The following DPP6 variants were observed in gnomAD, a reference collection of about 807,000 sequenced individuals.
DPP6 encodes A-type potassium channel modulatory protein DPP6.
A neutral mutation model predicts 122.6 loss-of-function variants in DPP6; 69 were observed. The observed-to-expected ratio is 0.56, with a 90% CI of 0.46 to 0.69. The LOEUF (loss-of-function observed/expected upper bound fraction) is 0.69. Among genes scored for constraint, DPP6 ranks in the 30% least tolerant of loss-of-function variants. The probability of loss-of-function intolerance (pLI) is 0.00; values close to 1 mark genes in which losing one functional copy is unlikely to be tolerated. For missense variants in DPP6, 928 were observed against 1,116.9 expected (o/e 0.83, Z 2.41); for synonymous variants, 418 against 433.1 (o/e 0.97, Z 0.43).
intron 1 of DPP6, among the ~76,000 whole-genome samples, chr7:153,894,236 A>G (rs1166986040): frequency 6.9e-6 from 1 of 144,816 alleles, no homozygotes; most frequent in Admixed American, 6.7e-5. Flanking sequence ...AGGTAAATAC[A>G]TTTAGTCCAG....
the DPP6 span, among the ~76,000 whole-genome samples, chr7:153,828,736 T>C: frequency 1.3e-5 from 2 of 152,228 alleles, no homozygotes; most frequent in East Asian, 1.9e-4. Flanking sequence ...ATTTGCATTT[T>C]ATTTCTGCCT....
rs186233086 is a variant in DPP6 at position 154,892,340 on chromosome 7, C to T, written c.2458C>T (p.Pro820Ser). 1 of 1,614,016 alleles carries T rather than the reference C, an allele frequency of 6.2e-7. No homozygotes were observed. Among genetic ancestry groups the T allele is most frequent in the East Asian group, 2.2e-5 (1 of 44,874 alleles). The change falls in exon 26 of 26, where the codon CCG (proline) becomes TCG (serine). Residue 820 changes from proline (P) to serine (S), a missense_variant. By Grantham distance (74) the Pro-to-Ser change is moderately conservative. Coordinates refer to ENST00000377770, the MANE Select transcript of DPP6 (RefSeq NM_130797.4). ...GKANYSLQIY[P>S]DESHYFTSSS... Reference sequence around the variant, plus strand: ...CTCCGTGCCTTCCTTGCAGATTTACCCGGACGAAAGCCATTACTTTACCAG... The same window carrying T: ...CTCCGTGCCTTCCTTGCAGATTTACTCGGACGAAAGCCATTACTTTACCAG...
intron 1 of DPP6, among the ~76,000 whole-genome samples, chr7:154,244,279 A>G (rs1801832287): frequency 6.6e-6 from 1 of 152,194 alleles, no homozygotes; most frequent in Non-Finnish European, 1.5e-5. Context: ...TTGACCCTAA[A>G]TTTTATATAA....
intron 1 of DPP6, among the ~76,000 whole-genome samples, chr7:153,990,774 A>G (rs1797137561): frequency 6.6e-6 from 1 of 152,190 alleles, no homozygotes; most frequent in Non-Finnish European, 1.5e-5. Flanking sequence ...TGACCTGTCC[A>G]CATTTAACAT....
chr7:154,892,570 C>A lies in DPP6; in HGVS notation c.*90C>A. On this transcript the variant is annotated 3_prime_UTR_variant, in exon 26 of 26. Coordinates refer to ENST00000377770, the MANE Select transcript of DPP6 (RefSeq NM_130797.4). ...TGCCCTCCCTCTTCCCTCGGAGGGG[C>A]GGGGCGGGGCGGGGCCGGGTGTTCC... 3.3e-5 allele frequency: 17 copies of A among 512,790 alleles called. No homozygotes were observed. The highest frequency in any genetic ancestry group is 5.3e-5 in the Non-Finnish European group (14 of 266,252). 31.8% of individuals were successfully genotyped at this position (512,790 alleles called of 1,614,324 possible). A position where few individuals can be genotyped will look rare whatever the true frequency, so the allele number is the denominator to read the frequency against.
rs541321774 is a variant in DPP6 at position 154,736,848 on chromosome 7, T to C, written c.883+8961T>C. On this transcript the variant is annotated intron_variant, in intron 8 of 25. Coordinates refer to ENST00000377770, the MANE Select transcript of DPP6 (RefSeq NM_130797.4). Reference sequence around the variant, plus strand: ...GAGAAACTCACATATTCTAGGAACCTCCACAAGGAAATCATATTGTTTCTC... The same window carrying C: ...GAGAAACTCACATATTCTAGGAACCCCCACAAGGAAATCATATTGTTTCTC... 5.0e-4 allele frequency among the ~76,000 whole-genome samples: 76 copies of C among 152,338 alleles called. No individual in the cohort carries two copies. The East Asian group carries it at 0.013, about 26-fold the overall frequency.
intron 1 of DPP6, chr7:154,038,332 G>A (rs1225541774): frequency 1.4e-5 from 1 of 72,766 alleles, no homozygotes; most frequent in African/African-American, 6.6e-5. Flanking sequence ...TGTCTGGAAG[G>A]AGCCCACCCC....
intron 10 of DPP6, among the ~76,000 whole-genome samples, chr7:154,783,177 G>T (rs909010832): frequency 6.6e-6 from 1 of 152,108 alleles, no homozygotes; most frequent in Non-Finnish European, 1.5e-5. Flanking sequence ...TCCCCTAATT[G>T]CATGGACTTT....
At chr7:153,927,018 T>A (rs1800933238) in intron 1 of DPP6, among the ~76,000 whole-genome samples, 1 of 152,086 alleles carries the variant, frequency 6.6e-6, no homozygotes, top group African/African-American at 2.4e-5. Context: ...TTTTTTTTTT[T>A]TACTGAAAGT....
intron 1 of DPP6, among the ~76,000 whole-genome samples, chr7:154,164,225 TCCCTC>T (rs1172222806): frequency 5.9e-5 from 7 of 117,924 alleles, no homozygotes; most frequent in African/African-American, 1.0e-4. Context: ...CCCCTCCCCT[TCCCTC>T]CCCTCCCCTC....
chr7:154,594,535 C>T (rs1832978922), intron 5 of DPP6, among the ~76,000 whole-genome samples: 1 of 152,112 alleles, frequency 6.6e-6, no homozygotes, highest in Non-Finnish European at 1.5e-5. Flanking sequence ...AGCCAGATAC[C>T]ATTTGGATTA....
chr7:154,257,371 G>A (rs1802723853), intron 1 of DPP6, among the ~76,000 whole-genome samples: 1 of 151,800 alleles, frequency 6.6e-6, no homozygotes, highest in Non-Finnish European at 1.5e-5. Context: ...GATTCCCTTC[G>A]GCCTATGAAG....
chr7:154,541,290 C>T (rs1269421691), intron 4 of DPP6, among the ~76,000 whole-genome samples: 1 of 151,994 alleles, frequency 6.6e-6, no homozygotes, highest in Non-Finnish European at 1.5e-5. Flanking sequence ...GCCGCCGTGC[C>T]CAGCTAATTG....
chr7:154,619,730 T>C (rs1020805347), intron 5 of DPP6, among the ~76,000 whole-genome samples: 5 of 152,208 alleles, frequency 3.3e-5, no homozygotes, highest in Admixed American at 3.3e-4. Flanking sequence ...TGTGTAGATA[T>C]ACAACCACAT....
intron 1 of DPP6, among the ~76,000 whole-genome samples, chr7:154,196,068 C>T (rs1798851361): frequency 6.6e-6 from 1 of 152,226 alleles, no homozygotes; most frequent in African/African-American, 2.4e-5. Flanking sequence ...ATCATTTTCG[C>T]TCCATCGGAT....
At chr7:154,488,593 G>T (rs1369572301) in intron 3 of DPP6, among the ~76,000 whole-genome samples, 2 of 151,726 alleles carry the variant, frequency 1.3e-5, no homozygotes, top group African/African-American at 4.8e-5. Context: ...TCCATCGTAA[G>T]TTTGATACTT....
intron 7 of DPP6, among the ~76,000 whole-genome samples, chr7:154,671,655 G>A (rs1268808957): frequency 2.0e-5 from 3 of 152,160 alleles, no homozygotes; most frequent in Admixed American, 1.3e-4. Flanking sequence ...GTGTGTGTGC[G>A]TGTGCATGCA....
chr7:154,094,719 G>A (rs10274354), intron 1 of DPP6: 44,914 of 151,674 alleles, frequency 0.3, 6,848 homozygotes, highest in Admixed American at 0.38. Context: ...TGACGTGCAC[G>A]GCAGATGCAC....
chr7:154,061,258 C>A (rs1275891347), intron 1 of DPP6, among the ~76,000 whole-genome samples: 1 of 149,530 alleles, frequency 6.7e-6, no homozygotes, highest in Non-Finnish European at 1.5e-5. Flanking sequence ...AAATGGGGAT[C>A]CCAACAACAG....
Sources: allele counts gnomAD v4.1 joint callset (sites outside exome capture counted in the v4.1 genomes callset), GRCh38; gene constraint gnomAD v4.1.1; transcripts MANE v1.5; gene names NCBI Gene and HGNC (gene_info 2026-07-23, HGNC 2026-07-21).